The following SGCG variants were observed in gnomAD, a reference collection of about 807,000 sequenced individuals.
SGCG encodes sarcoglycan gamma.
Under a neutral mutation model 29.3 loss-of-function variants are expected in SGCG, and 26 were observed. The observed-to-expected ratio is 0.89, with a 90% CI of 0.65 to 1.23. The LOEUF (loss-of-function observed/expected upper bound fraction) is 1.23, where lower values mean the gene tolerates loss of function less well. Ranked by LOEUF, SGCG falls within the 50% of genes most tolerant of loss-of-function variation. The pLI, the probability that SGCG is intolerant of heterozygous loss-of-function variation, is 0.00. For synonymous variants in SGCG, 145 were observed against 129.7 expected, an observed-to-expected ratio of 1.12 and a Z score of -0.80; for missense variants, 353 against 356.0, an observed-to-expected ratio of 0.99 and a Z score of 0.07.
rs182480263 is a variant in SGCG at position 23,192,511 on chromosome 13, A to C, written c.1-11184A>C. On this transcript the variant is annotated intron_variant, in intron 1 of 7. Coordinates refer to ENST00000218867, the MANE Select transcript of SGCG (RefSeq NM_000231.3). Reference sequence around the variant, plus strand: ...GGAGTTTAAATGATTCCCCTGCCTCAGCCTCCCGAGTAGCCGGGATTACAG... The same window carrying C: ...GGAGTTTAAATGATTCCCCTGCCTCCGCCTCCCGAGTAGCCGGGATTACAG... Among the ~76,000 whole-genome samples, 806 of 152,196 alleles carry C rather than the reference A, an allele frequency of 5.3e-3. 2 individuals carry two copies. The highest frequency in any genetic ancestry group is 0.014 in the South Asian group (68 of 4,818).
upstream of SGCG, among the ~76,000 whole-genome samples, chr13:23,177,568 C>CTTTTTT (rs71100158): frequency 1.6e-4 from 12 of 76,392 alleles, no homozygotes; most frequent in Admixed American, 3.1e-4. Context: ...TGTGAGCAGG[C>CTTTTTT]TTTTTTTTTT....
intron 4 of SGCG, among the ~76,000 whole-genome samples, chr13:23,265,012 T>C (rs1193905171): frequency 6.6e-6 from 1 of 151,666 alleles, no homozygotes; most frequent in East Asian, 1.9e-4. Flanking sequence ...TTCTGGACAA[T>C]GATTTAGGTG....
intron 5 of SGCG, among the ~76,000 whole-genome samples, chr13:23,284,922 G>T (rs1230464619): frequency 6.6e-6 from 1 of 152,184 alleles, no homozygotes; most frequent in Non-Finnish European, 1.5e-5. Context: ...TGTTTGCCTG[G>T]ATATCACCAG....
At chr13:23,234,515 T>G in intron 2 of SGCG, 96 bp from the exon 3 acceptor site, 1 of 831,416 alleles carries the variant, frequency 1.2e-6, no homozygotes, top group African/African-American at 1.7e-5. Context: ...TGGTAGGCAA[T>G]ATATGGAAAT....
At chr13:23,200,895 T>C (rs1284245861) in intron 1 of SGCG, among the ~76,000 whole-genome samples, 2 of 152,134 alleles carry the variant, frequency 1.3e-5, no homozygotes, top group African/African-American at 4.8e-5. Flanking sequence ...CCACTGTTCC[T>C]GGAGCAGGAG....
intron 4 of SGCG, among the ~76,000 whole-genome samples, chr13:23,261,242 GA>G (rs71185061): frequency 9.6e-4 from 144 of 149,482 alleles, no homozygotes; most frequent in African/African-American, 1.9e-3. Flanking sequence ...TTTTTATTCT[GA>G]AAAATTTTTT....
chr13:23,267,126 T>A (rs1426533298), intron 4 of SGCG, among the ~76,000 whole-genome samples: 1 of 152,216 alleles, frequency 6.6e-6, no homozygotes, highest in Non-Finnish European at 1.5e-5. Context: ...AAAATCAATT[T>A]TGTTAAACTT....
rs35645325 is a variant in SGCG at position 23,278,443 on chromosome 13, C to CAA, written c.386-900_386-899dup. Among the ~76,000 whole-genome samples the CAA allele has an allele frequency of 8.6e-3, 1,111 of 129,602 alleles. 11 individuals are homozygous for CAA. The highest frequency in any genetic ancestry group is 0.011 in the Non-Finnish European group (714 of 63,200). The allele number at this position is 129,602 out of a possible 152,430, so 85.0% of individuals were successfully genotyped here. A position where few individuals can be genotyped will look rare whatever the true frequency, so the allele number is the denominator to read the frequency against. On this transcript the variant is annotated intron_variant, in intron 4 of 7. Transcript: ENST00000218867. ...GGGCGACATGAGCGAAACTCTGTCT[C>CAA]AAAAAAAAAAAAAAAAAGAATATAA...
At position 23,282,081 on chromosome 13, in the gene SGCG, G is replaced by A. The variant is rs79671162; in HGVS notation, c.505+2603G>A. Reference sequence around the variant, plus strand: ...GACTATATGCTTTCCTTGTTATTTTGGTGTTGCAAACATTTCTAGTTCTTA... The same window carrying A: ...GACTATATGCTTTCCTTGTTATTTTAGTGTTGCAAACATTTCTAGTTCTTA... On this transcript the variant is annotated intron_variant, in intron 5 of 7. Coordinates refer to ENST00000218867, the MANE Select transcript of SGCG (RefSeq NM_000231.3). Among the ~76,000 whole-genome samples the A allele has an allele frequency of 3.3e-5, 5 of 152,204 alleles. No homozygotes were observed. The East Asian group carries it at 9.7e-4, about 29-fold the overall frequency.
chr13:23,163,444 T>C, the SGCG span, among the ~76,000 whole-genome samples: 1 of 152,186 alleles, frequency 6.6e-6, no homozygotes, highest in Non-Finnish European at 1.5e-5. Flanking sequence ...TAATTTGGAC[T>C]CAATTTCAAT....
chr13:23,200,965 T>C (rs765577038), intron 1 of SGCG, among the ~76,000 whole-genome samples: 4 of 152,014 alleles, frequency 2.6e-5, no homozygotes, highest in Non-Finnish European at 4.4e-5. Context: ...GGTGAGAAGT[T>C]TGGTTTTTAC....
At chr13:23,192,955 G>A (rs1354551610) in intron 1 of SGCG, among the ~76,000 whole-genome samples, 2 of 152,148 alleles carry the variant, frequency 1.3e-5, no homozygotes, top group African/African-American at 2.4e-5. Context: ...CTGGAGGTGA[G>A]TCTAATGAGG....
chr13:23,180,830 A>G (rs1876706070), upstream of SGCG: 1 of 152,194 alleles, frequency 6.6e-6, no homozygotes. Context: ...GGTGCCCAAA[A>G]AATTTTAAGT....
chr13:23,172,925 G>A, the SGCG span, among the ~76,000 whole-genome samples: 2 of 152,300 alleles, frequency 1.3e-5, no homozygotes, highest in East Asian at 1.9e-4. Context: ...CCCCTACTAC[G>A]TAGTAGATTC....
At position 23,285,201 on chromosome 13, in the gene SGCG, G is replaced by A. The variant is rs112885023; in HGVS notation, c.505+5723G>A. On this transcript the variant is annotated intron_variant, in intron 5 of 7. Coordinates refer to ENST00000218867, the MANE Select transcript of SGCG (RefSeq NM_000231.3). ...AGGAACATTTAAGTCTGCTGAAGCT[G>A]CACCCACAGCCGCCCCTTCCCCCAG... 7.9e-3 allele frequency among the ~76,000 whole-genome samples: 1,207 copies of A among 152,322 alleles called. 19 individuals carry two copies. The highest frequency in any genetic ancestry group is 0.027 in the African/African-American group (1,117 of 41,580).
Position 23,295,420 on chromosome 13 carries a change from G to T in SGCG, c.511G>T (p.Glu171Ter), listed in dbSNP as rs1881865054. 1 of 1,613,520 alleles carries T rather than the reference G, an allele frequency of 6.2e-7. No homozygotes were observed. The change falls in exon 6 of 8, where the codon GAA (glutamate) becomes TAA (stop). Residue 171 changes from glutamate to a stop codon, truncating the protein, a stop_gained. Coordinates refer to ENST00000218867, the MANE Select transcript of SGCG (RefSeq NM_000231.3). LOFTEE classifies it high-confidence loss of function. ...GTDKLRVTGP[E>*]GALFEHSVET... ...CATCTTTGTTTTTTGTTTAGGGCCTGAAGGGGCTCTTTTTGAACATTCAGT... is the reference window on the plus strand; with the variant it reads ...CATCTTTGTTTTTTGTTTAGGGCCTTAAGGGGCTCTTTTTGAACATTCAGT...
rs150541815 is a variant in SGCG, at chr13:23,265,870, C to T, written c.386-13489C>T. Among the ~76,000 whole-genome samples the T allele has an allele frequency of 2.6e-3, 396 of 152,240 alleles. 2 individuals are homozygous for T. Among genetic ancestry groups the T allele is most frequent in the African/African-American group, 9.0e-3 (375 of 41,558 alleles). On this transcript the variant is annotated intron_variant, in intron 4 of 7. Coordinates refer to ENST00000218867, the MANE Select transcript of SGCG (RefSeq NM_000231.3). ...TATGGAAAACAGTATGGAGATTTCT[C>T]AAAGAACTAAAAGTAGATTTAACCT...
intron 6 of SGCG, among the ~76,000 whole-genome samples, chr13:23,319,580 G>T (rs1009937603): frequency 3.9e-5 from 6 of 152,084 alleles, no homozygotes; most frequent in Admixed American, 3.9e-4. Flanking sequence ...TTAAATAAAT[G>T]TTCAGTCAAT....
chr13:23,267,765 C>G (rs1880694442), intron 4 of SGCG: 1 of 152,140 alleles, frequency 6.6e-6, no homozygotes, highest in Admixed American at 6.5e-5. Flanking sequence ...GGAATGCTGC[C>G]CAAACTGTCA....
Sources: allele counts gnomAD v4.1 joint callset (sites outside exome capture counted in the v4.1 genomes callset), GRCh38; gene constraint gnomAD v4.1.1; transcripts MANE v1.5; gene names NCBI Gene and HGNC (gene_info 2026-07-23, HGNC 2026-07-21).